Variants in UBA52 observed in about 807,000 individuals in gnomAD.
UBA52 encodes the protein ubiquitin-ribosomal protein eL40 fusion protein.
UBA52 carries 1 observed loss-of-function variant against 15.3 expected under a neutral mutation model. The observed-to-expected ratio is 0.07, with a 90% confidence interval of 0.02 to 0.31. UBA52 has a LOEUF of 0.31. UBA52 is among the 10% of genes least tolerant of loss of function. The probability of loss-of-function intolerance (pLI) is 1.00; values close to 1 mark genes in which losing one functional copy is unlikely to be tolerated. For synonymous variants in UBA52, 50 were observed against 58.3 expected, an observed-to-expected ratio of 0.86 and a Z score of 0.65; for missense variants, 87 against 168.0, an observed-to-expected ratio of 0.52 and a Z score of 2.66.
At chr19:18,565,109 G>C in the UBA52 span, 1 of 1,549,676 alleles carries the variant, frequency 6.5e-7, no homozygotes, top group Non-Finnish European at 8.7e-7. Flanking sequence ...CCAGGGTAAA[G>C]GGAGATTTCT....
Position 18,577,109 on chromosome 19 carries a change from CCT to C in UBA52, c.*1960_*1961del, listed in dbSNP as rs1218975315. On this transcript the variant is annotated 3_prime_UTR_variant, in exon 5 of 5. Transcript: ENST00000442744. ...ACAGGGGTGAGGCACCTTGCTGGCC[CCT>C]GTTTTGATTAGGGTGCAGTGCTGGT... 7.2e-5 allele frequency: 11 copies of C among 151,754 alleles called. No individual in the cohort carries two copies. The highest frequency in any genetic ancestry group is 2.7e-4 in the African/African-American group (11 of 41,352). The allele number at this position is 151,754 out of a possible 1,614,324, so 9.4% of individuals were successfully genotyped here.
chr19:18,575,040 C>A lies in UBA52; in HGVS notation c.294-17C>A. On this transcript the variant is annotated splice_polypyrimidine_tract_variant and intron_variant, in intron 4 of 4. Coordinates refer to ENST00000442744, the MANE Select transcript of UBA52 (RefSeq NM_001033930.3). ...AGTCGGGGTATGCCCTCACCCACCC[C>A]TCCTGTCTCTGTGCAGGTGCTATGC... The A allele has an allele frequency of 1.9e-6, 3 of 1,614,242 alleles. No homozygotes were observed. Among genetic ancestry groups the A allele is most frequent in the Non-Finnish European group, 2.5e-6 (3 of 1,180,038 alleles).
chr19:18,567,261 C>T (rs562028275), upstream of UBA52: 9 of 1,403,234 alleles, frequency 6.4e-6, no homozygotes, highest in Non-Finnish European at 9.1e-6. Flanking sequence ...ACCTTGGGGC[C>T]TGATACTGAG....
chr19:18,573,452 C>A (rs1344278859), intron 2 of UBA52, 49 bp downstream of exon 2: 1 of 1,513,804 alleles, frequency 6.6e-7, no homozygotes, highest in East Asian at 2.3e-5. Context: ...GGGAGTCCCT[C>A]TCTGCCCAGG....
At chr19:18,565,762 A>G in the UBA52 span, among the ~76,000 whole-genome samples, 1 of 152,140 alleles carries the variant, frequency 6.6e-6, no homozygotes, top group Non-Finnish European at 1.5e-5. Context: ...ATGTCAGCTC[A>G]CTGCAACCTC....
At chr19:18,565,386 C>A in the UBA52 span, among the ~76,000 whole-genome samples, 1 of 151,842 alleles carries the variant, frequency 6.6e-6, no homozygotes, top group Admixed American at 6.6e-5. Flanking sequence ...CCTACCACCA[C>A]GCCTGGAGAA....
upstream of UBA52, chr19:18,567,043 C>T: frequency 8.0e-7 from 1 of 1,250,320 alleles, no homozygotes; most frequent in Non-Finnish European, 1.2e-6. Context: ...TCCCCTTGCC[C>T]TCAGCTGGCA....
rs1424717358 is a variant in UBA52 at position 18,577,067 on chromosome 19, C to T, written c.*1917C>T. 1 of 151,222 alleles carries T rather than the reference C, an allele frequency of 6.6e-6. No individual in the cohort carries two copies. Among genetic ancestry groups the T allele is most frequent in the Non-Finnish European group, 1.5e-5 (1 of 67,898 alleles). 9.4% of individuals were successfully genotyped at this position (151,222 alleles called of 1,614,324 possible). A position where few individuals can be genotyped will look rare whatever the true frequency, so the allele number is the denominator to read the frequency against. ...GGTCCAAGCAGTTCTGCCGCAGCCT[C>T]CCAAAGTGCTGGGATTACAGGGGTG... On this transcript the variant is annotated 3_prime_UTR_variant, in exon 5 of 5. Coordinates refer to ENST00000442744, the MANE Select transcript of UBA52 (RefSeq NM_001033930.3).
chr19:18,571,310 CAAAA>C (rs756456955), upstream of UBA52, among the ~76,000 whole-genome samples: 5 of 108,248 alleles, frequency 4.6e-5, no homozygotes, highest in African/African-American at 1.1e-4. Flanking sequence ...AACTCCGTCT[CAAAA>C]AAAAAAAAAA....
At chr19:18,568,281 A>G, upstream of UBA52, 2 of 688,366 alleles carry the variant, frequency 2.9e-6, no homozygotes, top group Non-Finnish European at 5.0e-6. Flanking sequence ...AAAAAAAAAA[A>G]AAGGGTCAAG....
chr19:18,573,203 A>G, intron 1 of UBA52, 90 bp from the exon 2 acceptor site: 3 of 1,306,644 alleles, frequency 2.3e-6, no homozygotes, highest in Non-Finnish European at 3.3e-6. Flanking sequence ...GTGCAGGCAA[A>G]GGGATAGCAA....
the UBA52 span, among the ~76,000 whole-genome samples, chr19:18,564,289 G>C: frequency 1.3e-5 from 2 of 152,128 alleles, no homozygotes; most frequent in Non-Finnish European, 2.9e-5. Context: ...TGGTGTCAGG[G>C]CTGGGCCAGA....
the UBA52 span, among the ~76,000 whole-genome samples, chr19:18,565,565 G>T: frequency 1.3e-5 from 2 of 152,182 alleles, no homozygotes; most frequent in Admixed American, 1.3e-4. Flanking sequence ...CCTGGCTGGA[G>T]TGCAGTGGCG....
chr19:18,564,951 C>A, the UBA52 span: 1 of 1,613,014 alleles, frequency 6.2e-7, no homozygotes. Flanking sequence ...GATGAGCGAA[C>A]GCTTCCTGCA....
intron 1 of UBA52, 22 bp from the exon 2 acceptor site, chr19:18,573,271 C>T (rs1245329401): frequency 1.6e-5 from 26 of 1,609,618 alleles, no homozygotes; most frequent in Admixed American, 3.3e-5. Flanking sequence ...ACCAGTCTAT[C>T]CTGCCTCCCT....
At chr19:18,571,115 AGCCTGACCAACAT>A (rs995873083), upstream of UBA52, among the ~76,000 whole-genome samples, 7 of 149,342 alleles carry the variant, frequency 4.7e-5, no homozygotes, top group African/African-American at 1.5e-4. Flanking sequence ...GTTTGAGACC[AGCCTGACCAACAT>A]GGAGAAACCC....
At chr19:18,570,962 G>A (rs4808820), upstream of UBA52, among the ~76,000 whole-genome samples, 1,183 of 151,278 alleles carry the variant, frequency 7.8e-3, 6 homozygotes, top group Non-Finnish European at 0.013. Flanking sequence ...GCAGGCGTGA[G>A]TCACCGGACC....
At chr19:18,567,192 A>G (rs773609324), upstream of UBA52, 2 of 1,613,964 alleles carry the variant, frequency 1.2e-6, no homozygotes, top group Non-Finnish European at 1.7e-6. Flanking sequence ...AGTGTCACGC[A>G]GGGTTCCTGC....
At chr19:18,566,140 A>G in the UBA52 span, among the ~76,000 whole-genome samples, 2 of 151,680 alleles carry the variant, frequency 1.3e-5, no homozygotes, top group Admixed American at 1.3e-4. Context: ...CTTGCAGTTT[A>G]TTTATTCTTA....
Sources: allele counts gnomAD v4.1 joint callset (sites outside exome capture counted in the v4.1 genomes callset), GRCh38; gene constraint gnomAD v4.1.1; transcripts MANE v1.5; gene names NCBI Gene and HGNC (gene_info 2026-07-23, HGNC 2026-07-21).